The following SEMA3D variants were observed in gnomAD, a reference collection of about 807,000 sequenced individuals.
SEMA3D encodes semaphorin 3D.
SEMA3D carries 84 observed loss-of-function variants against 100.1 expected under a neutral mutation model. The ratio of observed to expected loss-of-function variants is 0.84; its 90% confidence interval spans 0.70 to 1.01. The LOEUF is 1.01. Ranked by LOEUF, SEMA3D falls within the 50% of genes least tolerant of loss-of-function variation. SEMA3D has a pLI of 0.00. For synonymous variants in SEMA3D, 312 were observed against 320.7 expected (o/e 0.97, Z 0.29); for missense variants, 875 against 934.1 (o/e 0.94, Z 0.82).
chr7:85,140,402 T>C, intron 2 of SEMA3D: 19 of 983,300 alleles, frequency 1.9e-5, no homozygotes, highest in Non-Finnish European at 2.3e-5. Context: ...TTTTGTGAAT[T>C]ACAGTTTTCT....
At chr7:85,107,341 A>G (rs1176234302) in intron 3 of SEMA3D, among the ~76,000 whole-genome samples, 1 of 152,128 alleles carries the variant, frequency 6.6e-6, no homozygotes, top group East Asian at 1.9e-4. Context: ...AAAGGTGTGC[A>G]GAGAATTTGC....
At chr7:85,145,433 T>C (rs900946705) in intron 2 of SEMA3D, among the ~76,000 whole-genome samples, 1 of 152,058 alleles carries the variant, frequency 6.6e-6, no homozygotes, top group Admixed American at 6.6e-5. Context: ...TCATTGTTAG[T>C]TATTTTTAGT....
chr7:85,174,566 T>C (rs545967582), intron 1 of SEMA3D, among the ~76,000 whole-genome samples: 3 of 152,206 alleles, frequency 2.0e-5, no homozygotes, highest in South Asian at 2.1e-4. Flanking sequence ...TATAAGAATA[T>C]GGAAAAAAGA....
upstream of SEMA3D, among the ~76,000 whole-genome samples, chr7:85,188,440 T>C (rs1376463015): frequency 6.6e-6 from 1 of 152,256 alleles, no homozygotes; most frequent in African/African-American, 2.4e-5. Flanking sequence ...GAATGCTTTA[T>C]ATTTAATGTT....
At chr7:85,084,367 A>G (rs1294833383) in intron 4 of SEMA3D, among the ~76,000 whole-genome samples, 1 of 152,190 alleles carries the variant, frequency 6.6e-6, no homozygotes, top group Non-Finnish European at 1.5e-5. Flanking sequence ...TTGTGCAGCC[A>G]ATCTCTAGAA....
chr7:85,232,467 G>GA, the SEMA3D span, among the ~76,000 whole-genome samples: 1 of 152,186 alleles, frequency 6.6e-6, no homozygotes, highest in African/African-American at 2.4e-5. Context: ...TGGCAGTGTA[G>GA]AAAGAAAATC....
chr7:85,142,521 G>T, intron 2 of SEMA3D: 1 of 983,348 alleles, frequency 1.0e-6, no homozygotes, highest in Non-Finnish European at 1.2e-6. Context: ...CATTCTCCAT[G>T]GTAATATGGT....
At chr7:85,090,186 C>T (rs150145730) in intron 4 of SEMA3D, among the ~76,000 whole-genome samples, 27 of 152,204 alleles carry the variant, frequency 1.8e-4, no homozygotes, top group East Asian at 5.8e-4. Flanking sequence ...GCATGGTGAG[C>T]GCTCAATAAT....
chr7:85,053,182 A>C (rs1791214753), intron 9 of SEMA3D, among the ~76,000 whole-genome samples: 1 of 151,988 alleles, frequency 6.6e-6, no homozygotes, highest in Non-Finnish European at 1.5e-5. Flanking sequence ...ATGCTGGTGG[A>C]ACAAATAGAA....
intron 9 of SEMA3D, among the ~76,000 whole-genome samples, chr7:85,052,454 C>A (rs2372509): frequency 0.35 from 52,743 of 151,642 alleles, 10,050 homozygotes; most frequent in African/African-American, 0.52. Flanking sequence ...TAAACAAAAA[C>A]TAAAACCAAA....
At chr7:85,220,304 C>T in the SEMA3D span, among the ~76,000 whole-genome samples, 1 of 148,142 alleles carries the variant, frequency 6.8e-6, no homozygotes, top group East Asian at 2.0e-4. Context: ...ATAAAAAATA[C>T]ATATGGGTGG....
chr7:85,020,402 C>A, intron 13 of SEMA3D, 81 bp from the exon 14 acceptor site: 1 of 900,014 alleles, frequency 1.1e-6, no homozygotes, highest in Non-Finnish European at 1.8e-6. Flanking sequence ...ACCTGCAAAT[C>A]ATTCCCCTCA....
At chr7:85,109,116 T>C (rs1200401915) in intron 3 of SEMA3D, among the ~76,000 whole-genome samples, 1 of 151,902 alleles carries the variant, frequency 6.6e-6, no homozygotes, top group East Asian at 1.9e-4. Context: ...TGGTCTGTCT[T>C]TGAAATCTGT....
intron 1 of SEMA3D, among the ~76,000 whole-genome samples, chr7:85,185,995 T>G (rs1791533827): frequency 6.6e-6 from 1 of 152,222 alleles, no homozygotes; most frequent in South Asian, 2.1e-4. Flanking sequence ...TGGCTGCTGT[T>G]TGACTCCAAC....
At chr7:85,029,083 A>T (rs1027887186) in intron 12 of SEMA3D, 5 of 555,928 alleles carry the variant, frequency 9.0e-6, no homozygotes, top group Middle Eastern at 6.2e-4. Flanking sequence ...TGATGCTACC[A>T]TTCCTACCAG....
At chr7:85,191,712 C>T (rs1403100499), upstream of SEMA3D, among the ~76,000 whole-genome samples, 1 of 152,154 alleles carries the variant, frequency 6.6e-6, no homozygotes, top group Non-Finnish European at 1.5e-5. Context: ...TCCATACAGA[C>T]AGCAGGAAGG....
At chr7:85,161,697 C>G (rs1005776481) in intron 1 of SEMA3D, among the ~76,000 whole-genome samples, 2 of 152,052 alleles carry the variant, frequency 1.3e-5, no homozygotes, top group African/African-American at 4.8e-5. Flanking sequence ...TACATATAGG[C>G]CAATCTGTGT....
chr7:85,206,087 C>T, the SEMA3D span, among the ~76,000 whole-genome samples: 1 of 152,050 alleles, frequency 6.6e-6, no homozygotes, highest in South Asian at 2.1e-4. Flanking sequence ...TCAGGACCTC[C>T]CTTACAGAGA....
chr7:85,013,700 C>T (rs945977610), intron 16 of SEMA3D, among the ~76,000 whole-genome samples: 7 of 151,710 alleles, frequency 4.6e-5, no homozygotes, highest in African/African-American at 1.7e-4. Flanking sequence ...ATCCATTATA[C>T]ACATCTTTTG....
Sources: allele counts gnomAD v4.1 joint callset (sites outside exome capture counted in the v4.1 genomes callset), GRCh38; gene constraint gnomAD v4.1.1; transcripts MANE v1.5; gene names NCBI Gene and HGNC (gene_info 2026-07-23, HGNC 2026-07-21).